ARHGEF9: variants seen among roughly 807,000 people sequenced by gnomAD.
The protein encoded by ARHGEF9 is Cdc42 guanine nucleotide exchange factor 9, also known as rho guanine nucleotide exchange factor 9.
A neutral mutation model predicts 41.3 loss-of-function variants in ARHGEF9; 2 were observed. The observed-to-expected ratio is 0.05, with a 90% CI of 0.02 to 0.15. ARHGEF9 has a LOEUF of 0.15. ARHGEF9 is among the 10% of genes least tolerant of loss of function. The pLI, the probability that ARHGEF9 is intolerant of heterozygous loss-of-function variation, is 1.00. For missense variants in ARHGEF9, 225 were observed against 424.7 expected, an observed-to-expected ratio of 0.53 and a Z score of 4.13; for synonymous variants, 160 against 154.4, an observed-to-expected ratio of 1.04 and a Z score of -0.27.
intron 4 of ARHGEF9, among the ~76,000 whole-genome samples, chrX:63,688,332 G>A (rs1333480104): frequency 9.0e-6 from 1 of 111,727 alleles, no homozygotes; most frequent in Non-Finnish European, 1.9e-5. Context: ...AGAAGCTGAG[G>A]GAATTCATCA....
chrX:63,737,556 A>G (rs1556423888), intron 1 of ARHGEF9, among the ~76,000 whole-genome samples: 1 of 112,541 alleles, frequency 8.9e-6, no homozygotes, highest in Non-Finnish European at 1.9e-5. Context: ...CACTCAAAAT[A>G]CAACACCAGT....
chrX:63,738,029 G>GA (rs2054721313), intron 1 of ARHGEF9, among the ~76,000 whole-genome samples: 1 of 112,068 alleles, frequency 8.9e-6, no homozygotes, highest in Admixed American at 9.4e-5. Flanking sequence ...CCAAAGTTCA[G>GA]AAAAACAATG....
intron 1 of ARHGEF9, among the ~76,000 whole-genome samples, chrX:63,726,259 C>T (rs1556416946): frequency 8.9e-6 from 1 of 112,586 alleles, no homozygotes; most frequent in African/African-American, 3.2e-5. Flanking sequence ...TTACGCTTTG[C>T]TAAGTGTTTT....
chrX:63,718,426 C>A (rs1356707414), intron 2 of ARHGEF9, among the ~76,000 whole-genome samples: 3 of 111,363 alleles, frequency 2.7e-5, no homozygotes, highest in Non-Finnish European at 5.7e-5. Flanking sequence ...TCCTCCTCTC[C>A]TCAAGTCATC....
intron 4 of ARHGEF9, among the ~76,000 whole-genome samples, chrX:63,696,660 C>T (rs1556388381): frequency 1.8e-5 from 2 of 111,605 alleles, no homozygotes; most frequent in African/African-American, 3.3e-5. Context: ...TTTTGAATTC[C>T]TCCCAAAATA....
At chrX:63,781,058 A>T (rs1347372590) in intron 1 of ARHGEF9, among the ~76,000 whole-genome samples, 1 of 112,407 alleles carries the variant, frequency 8.9e-6, no homozygotes, top group Non-Finnish European at 1.9e-5. Context: ...AATCTAAAAC[A>T]GTGAAACAAT....
chrX:63,734,139 C>T (rs2054476015), intron 1 of ARHGEF9, among the ~76,000 whole-genome samples: 1 of 111,897 alleles, frequency 8.9e-6, no homozygotes, highest in South Asian at 3.8e-4. Flanking sequence ...AAGTGAGACC[C>T]AGCTGCTGCC....
At chrX:63,705,376 T>C (rs1240639616) in intron 3 of ARHGEF9, among the ~76,000 whole-genome samples, 7 of 108,415 alleles carry the variant, frequency 6.5e-5, no homozygotes, top group African/African-American at 2.3e-4. Flanking sequence ...TGTGTGTGTG[T>C]GTGTGTGTGT....
intron 1 of ARHGEF9, chrX:63,755,418 G>A (rs1303690792): frequency 3.3e-6 from 1 of 300,582 alleles, no homozygotes; most frequent in Non-Finnish European, 5.6e-6. Flanking sequence ...AGGAGATGGG[G>A]AGGAAAAGGA....
chrX:63,728,054 G>T (rs1310698885), intron 1 of ARHGEF9, among the ~76,000 whole-genome samples: 1 of 111,792 alleles, frequency 8.9e-6, no homozygotes, highest in Non-Finnish European at 1.9e-5. Flanking sequence ...GAGCTGACAG[G>T]TATGTGCATG....
intron 4 of ARHGEF9, among the ~76,000 whole-genome samples, chrX:63,686,392 T>TA (rs1261640687): frequency 1.8e-5 from 2 of 111,228 alleles, no homozygotes; most frequent in African/African-American, 3.3e-5. Context: ...AACATGAAGA[T>TA]AAGTGGGTTA....
intron 1 of ARHGEF9, among the ~76,000 whole-genome samples, chrX:63,749,249 T>G (rs1187388794): frequency 7.2e-5 from 8 of 111,760 alleles, no homozygotes; most frequent in African/African-American, 2.6e-4. Context: ...TCTTTTTTTT[T>G]GGGACGGACT....
intron 8 of ARHGEF9, among the ~76,000 whole-genome samples, chrX:63,645,594 C>A (rs782260793): frequency 3.6e-5 from 4 of 112,096 alleles, no homozygotes; most frequent in African/African-American, 1.3e-4. Context: ...TTCCATGGTG[C>A]ATATGTGCCA....
Position 63,782,258 on chromosome X carries a change from G to A in ARHGEF9, c.30+2858C>T, listed in dbSNP as rs782689836. 3.6e-5 allele frequency among the ~76,000 whole-genome samples: 4 copies of A among 111,471 alleles called. No individual in the cohort carries two copies. In the South Asian group the frequency reaches 1.5e-3, roughly 42 times the overall value. On this transcript the variant is annotated intron_variant, in intron 1 of 9. Coordinates refer to ENST00000671741, the MANE Select transcript of ARHGEF9 (RefSeq NM_001353921.2). Reference sequence around the variant, plus strand: ...TTTGTGTTGAATAAATTAATGACCCGATAGTACCTATAAAAAGGCACTTTA... The same window carrying A: ...TTTGTGTTGAATAAATTAATGACCCAATAGTACCTATAAAAAGGCACTTTA...
intron 1 of ARHGEF9, among the ~76,000 whole-genome samples, chrX:63,725,530 C>T (rs1182342333): frequency 9.0e-6 from 1 of 110,569 alleles, no homozygotes; most frequent in Non-Finnish European, 1.9e-5. Flanking sequence ...CTAGACTTCA[C>T]GGCTAGCAGG....
chrX:63,747,673 C>T (rs182180429), intron 1 of ARHGEF9, among the ~76,000 whole-genome samples: 41 of 112,539 alleles, frequency 3.6e-4, no homozygotes, highest in Non-Finnish European at 6.9e-4. Context: ...ATTGTTGTTA[C>T]TCTTAATATT....
At chrX:63,727,476 G>T (rs190019071) in intron 1 of ARHGEF9, 2 of 111,581 alleles carry the variant, frequency 1.8e-5, no homozygotes, top group African/African-American at 6.5e-5. Flanking sequence ...GGCCTACTTA[G>T]AATCAATGAC....
chrX:63,735,146 C>T (rs2054534643), intron 1 of ARHGEF9, among the ~76,000 whole-genome samples: 1 of 111,630 alleles, frequency 9.0e-6, no homozygotes, highest in African/African-American at 3.3e-5. Context: ...CTGACCAGGA[C>T]AAACCTAGGG....
At chrX:63,744,570 A>G (rs2055155362) in intron 1 of ARHGEF9, among the ~76,000 whole-genome samples, 1 of 112,416 alleles carries the variant, frequency 8.9e-6, no homozygotes, top group Admixed American at 9.4e-5. Context: ...TGTGACAATA[A>G]GTCTTTGAAC....
Sources: gnomAD v4.1 joint callset for allele counts (sites outside exome capture counted in the v4.1 genomes callset) on GRCh38, gnomAD v4.1.1 for gene constraint, MANE v1.5 for transcripts, NCBI Gene and HGNC (gene_info 2026-07-23, HGNC 2026-07-21) for gene names.